GAS7: variants seen among roughly 807,000 people sequenced by gnomAD.
GAS7 encodes growth arrest-specific protein 7.
GAS7 carries 28 observed loss-of-function variants against 71.1 expected under a neutral mutation model. That is an observed-to-expected ratio of 0.39 (90% CI 0.29 to 0.54). The LOEUF (loss-of-function observed/expected upper bound fraction) is 0.54. GAS7 is among the 20% of genes least tolerant of loss of function. The pLI is 0.62. For synonymous variants in GAS7, 258 were observed against 245.8 expected (o/e 1.05, Z -0.46); for missense variants, 436 against 627.8 (o/e 0.69, Z 3.27).
chr17:10,059,645 G>T, intron 1 of GAS7: 1 of 975,530 alleles, frequency 1.0e-6, no homozygotes, highest in Non-Finnish European at 1.2e-6. Flanking sequence ...AATTAGCTTC[G>T]AGCATCTGCA....
chr17:10,183,750 G>A (rs952496732), intron 1 of GAS7, among the ~76,000 whole-genome samples: 10 of 152,184 alleles, frequency 6.6e-5, no homozygotes, highest in Admixed American at 2.0e-4. Flanking sequence ...GCTGAGGCAG[G>A]AGAATGGCGT....
chr17:9,924,493 C>A (rs575925780), intron 11 of GAS7, among the ~76,000 whole-genome samples: 79 of 151,024 alleles, frequency 5.2e-4, no homozygotes, highest in African/African-American at 1.9e-3. Flanking sequence ...TTTTTAATAA[C>A]TTAATAATTT....
At chr17:9,991,181 A>T (rs950324424) in intron 2 of GAS7, among the ~76,000 whole-genome samples, 4 of 152,204 alleles carry the variant, frequency 2.6e-5, no homozygotes, top group African/African-American at 9.6e-5. Flanking sequence ...CTACCCCAGA[A>T]GCTGGATCCC....
chr17:10,181,027 T>C (rs1324982273), intron 1 of GAS7, among the ~76,000 whole-genome samples: 1 of 135,414 alleles, frequency 7.4e-6, no homozygotes, highest in Non-Finnish European at 1.6e-5. Flanking sequence ...TTAAGGGGTC[T>C]AGAATAAGGA....
intron 1 of GAS7, among the ~76,000 whole-genome samples, chr17:10,074,427 C>G (rs1384034610): frequency 2.0e-5 from 3 of 152,078 alleles, no homozygotes; most frequent in African/African-American, 2.4e-5. Flanking sequence ...AATACAAAAC[C>G]CTGGAAGGGT....
intron 5 of GAS7, among the ~76,000 whole-genome samples, chr17:9,953,463 G>C (rs1207601162): frequency 1.3e-5 from 2 of 152,204 alleles, no homozygotes; most frequent in Non-Finnish European, 2.9e-5. Flanking sequence ...GGGGAGCCCT[G>C]ACTCAGGCAC....
intron 1 of GAS7, among the ~76,000 whole-genome samples, chr17:10,124,011 C>A (rs1405971021): frequency 6.6e-6 from 1 of 152,232 alleles, no homozygotes; most frequent in Non-Finnish European, 1.5e-5. Flanking sequence ...CCTCGCAGGG[C>A]TGGCTGAAGA....
In GAS7 at chr17:10,142,830, C is replaced by T. The variant is rs139390165; in HGVS notation, c.183+55378G>A. ...TATATGAGGATGCAGGCTGAACTCA[C>T]GGGGGTTCAGACATCAGTAACAGGG... On this transcript the variant is annotated intron_variant, in intron 1 of 13. Transcript: ENST00000432992. Among the ~76,000 whole-genome samples the T allele has an allele frequency of 5.1e-4, 77 of 152,234 alleles. 1 individual carries two copies. Among genetic ancestry groups the T allele is most frequent in the African/African-American group, 1.4e-3 (59 of 41,542 alleles).
chr17:9,929,393 C>T (rs554283931), intron 9 of GAS7, among the ~76,000 whole-genome samples: 1 of 152,328 alleles, frequency 6.6e-6, no homozygotes, highest in South Asian at 2.1e-4. Context: ...AAGCGTGACG[C>T]TGCTAACTAT....
At chr17:10,004,607 C>T (rs747494948) in intron 2 of GAS7, among the ~76,000 whole-genome samples, 1 of 152,214 alleles carries the variant, frequency 6.6e-6, no homozygotes, top group Non-Finnish European at 1.5e-5. Flanking sequence ...TTTAAGATCC[C>T]TCTCGAAACT....
In GAS7 at chr17:9,989,398, G is replaced by A. The variant is rs544515573; in HGVS notation, c.305-7514C>T. Among the ~76,000 whole-genome samples the A allele has an allele frequency of 1.8e-4, 28 of 152,176 alleles. No homozygotes were observed. The East Asian group carries it at 4.6e-3, about 25-fold the overall frequency. On this transcript the variant is annotated intron_variant, in intron 2 of 13. Transcript: ENST00000432992. Reference sequence around the variant, plus strand: ...CTGTGTCAGGCACTGTGCTGGACACGGGGTTATATTGCAGGAAATATAAGT... The same window carrying A: ...CTGTGTCAGGCACTGTGCTGGACACAGGGTTATATTGCAGGAAATATAAGT...
intron 7 of GAS7, 67 bp from the exon 8 acceptor site, chr17:9,940,267 C>T: frequency 8.7e-7 from 1 of 1,151,946 alleles, no homozygotes; most frequent in Non-Finnish European, 1.3e-6. Context: ...GCCCTGCTGC[C>T]CTGCACACCT....
At chr17:9,922,189 GTGATGAAGATGATGATGATGA>G in intron 11 of GAS7, among the ~76,000 whole-genome samples, 1 of 131,006 alleles carries the variant, frequency 7.6e-6, no homozygotes, top group East Asian at 2.0e-4. Flanking sequence ...GGCTATGGTG[GTGATGAAGATGATGATGATGA>G]TGATGATGAT....
intron 1 of GAS7, among the ~76,000 whole-genome samples, chr17:10,154,835 T>C (rs911302078): frequency 1.3e-5 from 2 of 151,816 alleles, no homozygotes; most frequent in Admixed American, 1.3e-4. Context: ...CTCACTGCAC[T>C]GTGTTCAGGA....
intron 1 of GAS7, among the ~76,000 whole-genome samples, chr17:10,068,183 G>C (rs1037617553): frequency 1.3e-5 from 2 of 152,100 alleles, no homozygotes; most frequent in African/African-American, 4.8e-5. Context: ...AGAGGGACAG[G>C]CACCCCCATA....
intron 2 of GAS7, among the ~76,000 whole-genome samples, chr17:10,005,155 A>ATGTGTATGTACATGCATACATGCATGTG (rs1567879993): frequency 1.1e-4 from 4 of 35,410 alleles, no homozygotes; most frequent in South Asian, 1.9e-3. Flanking sequence ...GCATGCATGC[A>ATGTGTATGTACATGCATACATGCATGTG]TGTGTGTGCG....
chr17:10,063,565 G>A (rs2073243276), intron 1 of GAS7, among the ~76,000 whole-genome samples: 1 of 152,182 alleles, frequency 6.6e-6, no homozygotes, highest in South Asian at 2.1e-4. Context: ...TCGGCAGTTT[G>A]CCCCAGGCAA....
intron 3 of GAS7, among the ~76,000 whole-genome samples, chr17:9,971,861 C>T (rs908246776): frequency 3.3e-5 from 5 of 152,156 alleles, no homozygotes; most frequent in African/African-American, 9.7e-5. Flanking sequence ...TTTGGAGCGA[C>T]GAGGACTGGA....
chr17:10,039,736 A>T (rs1178591184), intron 1 of GAS7: 1 of 456,198 alleles, frequency 2.2e-6, no homozygotes, highest in African/African-American at 2.0e-5. Context: ...AGCAGGACTC[A>T]CTCACCATGG....
Sources: gnomAD v4.1 joint callset for allele counts (sites outside exome capture counted in the v4.1 genomes callset) on GRCh38, gnomAD v4.1.1 for gene constraint, MANE v1.5 for transcripts, NCBI Gene and HGNC (gene_info 2026-07-23, HGNC 2026-07-21) for gene names.